Variants in CLEC16A observed in about 807,000 individuals in gnomAD.
CLEC16A encodes the protein protein CLEC16A.
CLEC16A carries 51 observed loss-of-function variants against 109.5 expected under a neutral mutation model. The ratio of observed to expected loss-of-function variants is 0.47; its 90% CI spans 0.37 to 0.59. CLEC16A has a LOEUF of 0.59. CLEC16A is among the 20% of genes least tolerant of loss of function. CLEC16A has a pLI of 0.00. For missense variants in CLEC16A, 1,339 were observed against 1,394.0 expected (o/e 0.96, Z 0.63); for synonymous variants, 673 against 564.2 (o/e 1.19, Z -2.73).
intron 19 of CLEC16A, among the ~76,000 whole-genome samples, chr16:11,087,880 G>T (rs1365076838): frequency 6.6e-6 from 1 of 152,258 alleles, no homozygotes; most frequent in African/African-American, 2.4e-5. Flanking sequence ...GGCCTACCCA[G>T]TTTGAGGCAG....
intron 13 of CLEC16A, chr16:11,027,556 G>A: frequency 6.4e-7 from 1 of 1,557,332 alleles, no homozygotes. Context: ...GAGCACCTGG[G>A]GAAGTTTGGC....
chr16:11,094,744 T>C (rs1045414611), intron 19 of CLEC16A, among the ~76,000 whole-genome samples: 17 of 152,368 alleles, frequency 1.1e-4, no homozygotes, highest in African/African-American at 3.6e-4. Context: ...TAGTTTCTAA[T>C]GTAGCTCAAA....
intron 19 of CLEC16A, among the ~76,000 whole-genome samples, chr16:11,105,286 C>T (rs548056807): frequency 1.3e-5 from 2 of 152,252 alleles, no homozygotes; most frequent in East Asian, 1.9e-4. Context: ...CCCTTGGACT[C>T]GGTTTCTGGT....
chr16:11,090,811 A>ATTT lies in CLEC16A; in HGVS notation c.2117-29779_2117-29777dup, dbSNP rs71136616. On this transcript the variant is annotated intron_variant, in intron 19 of 23. Coordinates refer to ENST00000409790, the MANE Select transcript of CLEC16A (RefSeq NM_015226.3). ...AGGCATGCGCTACCATACCCAGCTA[A>ATTT]TTTTTTTTTTTTTTTTTTTTTTTTT... Among the ~76,000 whole-genome samples, 55 of 80,700 alleles carry ATTT rather than the reference A, an allele frequency of 6.8e-4. 3 individuals are homozygous for ATTT. Among genetic ancestry groups the ATTT allele is most frequent in the African/African-American group, 2.5e-3 (44 of 17,678 alleles). 52.9% of individuals were successfully genotyped at this position (80,700 alleles called of 152,430 possible).
chr16:11,114,722 G>A (rs995234260), intron 19 of CLEC16A, among the ~76,000 whole-genome samples: 3 of 152,164 alleles, frequency 2.0e-5, no homozygotes, highest in African/African-American at 4.8e-5. Context: ...TGGAGCAGCC[G>A]AGGACTGGGG....
chr16:11,111,945 G>A (rs929828814), intron 19 of CLEC16A, among the ~76,000 whole-genome samples: 11 of 152,206 alleles, frequency 7.2e-5, no homozygotes, highest in African/African-American at 2.4e-4. Context: ...TCGCATGTGC[G>A]TATGAATAAG....
chr16:11,105,414 GC>G (rs2152991369), intron 19 of CLEC16A, among the ~76,000 whole-genome samples: 1 of 152,314 alleles, frequency 6.6e-6, no homozygotes, highest in South Asian at 2.1e-4. Context: ...CAGAGAGGCT[GC>G]CCCCATACAT....
At chr16:11,163,856 G>A (rs112813091) in intron 22 of CLEC16A, among the ~76,000 whole-genome samples, 59 of 152,274 alleles carry the variant, frequency 3.9e-4, no homozygotes, top group African/African-American at 1.3e-3. Flanking sequence ...CTGATAAATA[G>A]GCAGCTCGGG....
At chr16:11,042,450 C>A (rs1448027899) in intron 15 of CLEC16A, 87 bp downstream of exon 15, 17 of 1,068,812 alleles carry the variant, frequency 1.6e-5, no homozygotes, top group Non-Finnish European at 2.3e-5. Context: ...CAGATAGGAG[C>A]CCTGGCCCGT....
chr16:11,153,985 C>T (rs1212379685), intron 22 of CLEC16A, among the ~76,000 whole-genome samples: 2 of 152,176 alleles, frequency 1.3e-5, no homozygotes, highest in African/African-American at 4.8e-5. Flanking sequence ...CCCATAAGTG[C>T]CAACCTTATT....
intron 7 of CLEC16A, 22 bp from the exon 8 acceptor site, chr16:10,977,203 A>T (rs768436867): frequency 6.2e-7 from 1 of 1,609,422 alleles, no homozygotes; most frequent in Admixed American, 1.7e-5. Context: ...CTCCAGGCTG[A>T]GGTGGTCATT....
chr16:10,957,213 G>C (rs892851774), intron 1 of CLEC16A, among the ~76,000 whole-genome samples: 1 of 152,202 alleles, frequency 6.6e-6, no homozygotes, highest in Non-Finnish European at 1.5e-5. Flanking sequence ...CACTGCACTT[G>C]AGAAGGATTG....
intron 1 of CLEC16A, among the ~76,000 whole-genome samples, chr16:10,948,210 G>C (rs538654123): frequency 6.6e-6 from 1 of 152,100 alleles, no homozygotes; most frequent in Admixed American, 6.5e-5. Flanking sequence ...TACTTTTTTA[G>C]AACAGTTTGA....
intron 9 of CLEC16A, among the ~76,000 whole-genome samples, chr16:10,980,755 C>T (rs2043276591): frequency 6.6e-6 from 1 of 151,984 alleles, no homozygotes; most frequent in South Asian, 2.1e-4. Context: ...AGATAAACAA[C>T]CTGAAGCCCT....
At chr16:11,027,715 T>G in intron 13 of CLEC16A, 3 of 1,579,162 alleles carry the variant, frequency 1.9e-6, no homozygotes, top group Non-Finnish European at 2.6e-6. Flanking sequence ...ATGGGCACAC[T>G]TGGCTATCGG....
Position 11,060,720 on chromosome 16 carries a change from A to ATT in CLEC16A, c.1996-172_1996-171dup, listed in dbSNP as rs112716725. Among the ~76,000 whole-genome samples the ATT allele has an allele frequency of 1.7e-3, 258 of 149,096 alleles. 3 individuals are homozygous for ATT. The highest frequency in any genetic ancestry group is 5.3e-3 in the African/African-American group (218 of 40,808). On this transcript the variant is annotated intron_variant, in intron 18 of 23. Coordinates refer to ENST00000409790, the MANE Select transcript of CLEC16A (RefSeq NM_015226.3). ...CTGAAAACAGGCTACTCCCCCTTTG[A>ATT]TTTTTTTTTTTCTGTCTTGTTATAA...
At chr16:11,096,488 T>C (rs76462129) in intron 19 of CLEC16A, among the ~76,000 whole-genome samples, 14 of 152,194 alleles carry the variant, frequency 9.2e-5, no homozygotes, top group Non-Finnish European at 1.8e-4. Flanking sequence ...ATACAGACCA[T>C]TGAAAGTTTT....
chr16:11,097,196 C>A (rs1302601470), intron 19 of CLEC16A, among the ~76,000 whole-genome samples: 3 of 152,194 alleles, frequency 2.0e-5, no homozygotes, highest in Non-Finnish European at 4.4e-5. Context: ...TGAAAGACTT[C>A]TTTGCCAATT....
At chr16:11,156,381 AAAAAAAC>A (rs2054519065) in intron 22 of CLEC16A, among the ~76,000 whole-genome samples, 1 of 151,524 alleles carries the variant, frequency 6.6e-6, no homozygotes, top group South Asian at 2.1e-4. Flanking sequence ...AAAAAAAAAA[AAAAAAAC>A]ACAACTAATC....
Sources: gnomAD v4.1 joint callset for allele counts (sites outside exome capture counted in the v4.1 genomes callset) on GRCh38, gnomAD v4.1.1 for gene constraint, MANE v1.5 for transcripts, NCBI Gene and HGNC (gene_info 2026-07-23, HGNC 2026-07-21) for gene names.